DTWD2: variants seen among roughly 807,000 people sequenced by gnomAD.
DTWD2 encodes tRNA-uridine aminocarboxypropyltransferase 2.
Under a neutral mutation model 31.8 loss-of-function variants are expected in DTWD2, and 39 were observed. The ratio of observed to expected loss-of-function variants is 1.22; its 90% confidence interval spans 0.95 to 1.60. The LOEUF (loss-of-function observed/expected upper bound fraction) is 1.60, where lower values mean the gene tolerates loss of function less well. DTWD2 is among the 40% of genes most tolerant of loss of function. The pLI, the probability that DTWD2 is intolerant of heterozygous loss-of-function variation, is 0.00. For missense variants in DTWD2, 515 were observed against 381.5 expected (o/e 1.35, Z -2.92); for synonymous variants, 180 against 142.8 (o/e 1.26, Z -1.86).
At chr5:118,933,348 T>C (rs1490920424) in intron 3 of DTWD2, among the ~76,000 whole-genome samples, 1 of 151,952 alleles carries the variant, frequency 6.6e-6, no homozygotes, top group Non-Finnish European at 1.5e-5. Flanking sequence ...CAAAACCAAA[T>C]AAAGGCATTA....
chr5:118,947,865 G>A (rs1289764792), intron 1 of DTWD2, among the ~76,000 whole-genome samples: 1 of 152,076 alleles, frequency 6.6e-6, no homozygotes, highest in Admixed American at 6.5e-5. Context: ...AAAAAGGGCA[G>A]TTCAAATAAG....
chr5:118,848,737 C>G (rs959237805), intron 4 of DTWD2, among the ~76,000 whole-genome samples: 4 of 152,212 alleles, frequency 2.6e-5, no homozygotes, highest in African/African-American at 9.7e-5. Flanking sequence ...CTACAACCAT[C>G]TGATCTTTGA....
chr5:118,852,170 G>A (rs577924568), intron 4 of DTWD2, among the ~76,000 whole-genome samples: 6 of 152,148 alleles, frequency 3.9e-5, no homozygotes, highest in East Asian at 1.9e-4. Context: ...TGCCCAACCC[G>A]GGAAGCAGTC....
At chr5:118,847,477 G>A (rs1385022779) in intron 5 of DTWD2, among the ~76,000 whole-genome samples, 1 of 151,956 alleles carries the variant, frequency 6.6e-6, no homozygotes, top group East Asian at 1.9e-4. Context: ...TGTTCCAAAA[G>A]ACTGAGATGT....
chr5:118,914,173 C>T (rs1753522975), intron 4 of DTWD2, among the ~76,000 whole-genome samples: 1 of 152,082 alleles, frequency 6.6e-6, no homozygotes, highest in South Asian at 2.1e-4. Flanking sequence ...ACTTAATCTC[C>T]AATGTGACAA....
chr5:118,869,993 C>G (rs184051392), intron 4 of DTWD2, among the ~76,000 whole-genome samples: 20 of 152,174 alleles, frequency 1.3e-4, no homozygotes, highest in African/African-American at 4.6e-4. Flanking sequence ...TTAAAAGGAG[C>G]CTGGCACCTC....
chr5:118,845,564 T>A (rs1050305072), intron 5 of DTWD2, among the ~76,000 whole-genome samples: 1 of 152,180 alleles, frequency 6.6e-6, no homozygotes, highest in African/African-American at 2.4e-5. Flanking sequence ...CACCATGTTA[T>A]CAGTACCTCC....
chr5:118,932,882 T>C (rs1305190746), intron 3 of DTWD2, among the ~76,000 whole-genome samples: 1 of 151,924 alleles, frequency 6.6e-6, no homozygotes, highest in African/African-American at 2.4e-5. Context: ...AGCAAACTAA[T>C]ACACTGGTTC....
intron 1 of DTWD2, among the ~76,000 whole-genome samples, chr5:118,956,260 C>A (rs934821130): frequency 6.6e-6 from 1 of 152,176 alleles, no homozygotes; most frequent in African/African-American, 2.4e-5. Flanking sequence ...TATTTTTCCG[C>A]TCATCGGGGT....
At chr5:118,932,918 A>C (rs1476772467) in intron 3 of DTWD2, among the ~76,000 whole-genome samples, 2 of 152,192 alleles carry the variant, frequency 1.3e-5, no homozygotes, top group African/African-American at 4.8e-5. Context: ...TAAATTGATA[A>C]AACTACACCT....
chr5:118,925,456 C>G (rs894442944), intron 4 of DTWD2, among the ~76,000 whole-genome samples: 1 of 152,098 alleles, frequency 6.6e-6, no homozygotes, highest in African/African-American at 2.4e-5. Flanking sequence ...TCTTTTATCA[C>G]GATTCCAAAA....
At chr5:118,902,379 A>C (rs900262639) in intron 4 of DTWD2, among the ~76,000 whole-genome samples, 2 of 152,154 alleles carry the variant, frequency 1.3e-5, no homozygotes, top group African/African-American at 4.8e-5. Context: ...ATGAATATAT[A>C]ACAACCATAA....
At chr5:118,908,846 A>G (rs1753395138) in intron 4 of DTWD2, among the ~76,000 whole-genome samples, 1 of 152,192 alleles carries the variant, frequency 6.6e-6, no homozygotes, top group African/African-American at 2.4e-5. Flanking sequence ...GAGAAGGCAA[A>G]GTAGGAGATA....
At chr5:118,953,291 G>C (rs1175239092) in intron 1 of DTWD2, among the ~76,000 whole-genome samples, 1 of 152,184 alleles carries the variant, frequency 6.6e-6, no homozygotes, top group Non-Finnish European at 1.5e-5. Context: ...CAAGTGACTT[G>C]AATTCATTCG....
At chr5:118,907,896 C>T (rs1416633698) in intron 4 of DTWD2, among the ~76,000 whole-genome samples, 1 of 152,150 alleles carries the variant, frequency 6.6e-6, no homozygotes, top group South Asian at 2.1e-4. Flanking sequence ...GGCAGACAAT[C>T]TGCTTTACTC....
intron 1 of DTWD2, among the ~76,000 whole-genome samples, chr5:118,959,305 T>C (rs1177835806): frequency 2.0e-5 from 3 of 152,050 alleles, no homozygotes; most frequent in Admixed American, 6.6e-5. Flanking sequence ...ACACCAATAA[T>C]GTCCAAGCTG....
chr5:118,909,154 T>C (rs1452398335), intron 4 of DTWD2, among the ~76,000 whole-genome samples: 1 of 152,204 alleles, frequency 6.6e-6, no homozygotes, highest in Non-Finnish European at 1.5e-5. Flanking sequence ...GAGACCCGCA[T>C]AGCTGAGTCA....
rs1235256841 is a variant in DTWD2, at chr5:118,836,686, A to G, written c.*4231T>C. Among the ~76,000 whole-genome samples the G allele has an allele frequency of 6.6e-6, 1 of 152,210 alleles. No individual in the cohort carries two copies. Among genetic ancestry groups the G allele is most frequent in the Non-Finnish European group, 1.5e-5 (1 of 68,042 alleles). On this transcript the variant is annotated 3_prime_UTR_variant, in exon 6 of 6. Coordinates refer to ENST00000510708, the MANE Select transcript of DTWD2 (RefSeq NM_173666.4). ...TAATTCCCGAGGTATAGTATTAGGA[A>G]GTGGAACCTTTGGGGGATGATTAGG...
intron 4 of DTWD2, among the ~76,000 whole-genome samples, chr5:118,883,874 A>G (rs1206518386): frequency 2.0e-5 from 3 of 152,224 alleles, no homozygotes; most frequent in Non-Finnish European, 4.4e-5. Flanking sequence ...GAGAGAAAAT[A>G]AATAAAGCTA....
Sources: allele counts gnomAD v4.1 joint callset (sites outside exome capture counted in the v4.1 genomes callset), GRCh38; gene constraint gnomAD v4.1.1; transcripts MANE v1.5; gene names NCBI Gene and HGNC (gene_info 2026-07-23, HGNC 2026-07-21).